The following RANBP2 variants were observed in gnomAD, a reference collection of about 807,000 sequenced individuals.
The protein encoded by RANBP2 is RAN binding protein 2.
Under a neutral mutation model 303.6 loss-of-function variants are expected in RANBP2, and 57 were observed. The ratio of observed to expected loss-of-function variants is 0.19; its 90% CI spans 0.15 to 0.23. RANBP2 has a LOEUF of 0.23. RANBP2 is among the 10% of genes least tolerant of loss of function. The probability of loss-of-function intolerance (pLI) is 1.00; values close to 1 mark genes in which losing one functional copy is unlikely to be tolerated. For synonymous variants in RANBP2, 1,167 were observed against 1,301.5 expected (o/e 0.90, Z 2.23); for missense variants, 3,138 against 3,780.8 (o/e 0.83, Z 4.46).
At chr2:109,033,955 C>CA in the RANBP2 span, among the ~76,000 whole-genome samples, 725 of 106,812 alleles carry the variant, frequency 6.8e-3, 4 homozygotes, top group African/African-American at 0.018. Context: ...ACCCTGACTC[C>CA]AAAAAAAAAA....
chr2:109,424,478 A>AT, the RANBP2 span, among the ~76,000 whole-genome samples: 88,894 of 152,026 alleles, frequency 0.58, 26,935 homozygotes, highest in African/African-American at 0.75. Flanking sequence ...CAGATACTGC[A>AT]TTTTTTTTAC....
the RANBP2 span, among the ~76,000 whole-genome samples, chr2:109,252,472 C>T: frequency 1.3e-5 from 2 of 152,108 alleles, no homozygotes; most frequent in Non-Finnish European, 2.9e-5. Flanking sequence ...TTAGCTTTAT[C>T]ATGGGTTGAT....
the RANBP2 span, among the ~76,000 whole-genome samples, chr2:109,524,702 G>A: frequency 5.3e-5 from 8 of 151,660 alleles, no homozygotes; most frequent in African/African-American, 7.3e-5. Flanking sequence ...CTGAGATCGC[G>A]CCACTGCACT....
chr2:109,304,749 G>T, the RANBP2 span, among the ~76,000 whole-genome samples: 1 of 152,194 alleles, frequency 6.6e-6, no homozygotes, highest in African/African-American at 2.4e-5. Flanking sequence ...CTAGGGAGAG[G>T]TGCAGCCTGT....
the RANBP2 span, among the ~76,000 whole-genome samples, chr2:109,586,248 G>A: frequency 6.6e-6 from 1 of 152,186 alleles, no homozygotes; most frequent in Non-Finnish European, 1.5e-5. Context: ...TTCAGCTCCT[G>A]GTAATGGCAG....
chr2:108,862,077 G>GTTTTT, the RANBP2 span, among the ~76,000 whole-genome samples: 1 of 141,376 alleles, frequency 7.1e-6, no homozygotes, highest in Non-Finnish European at 1.5e-5. Context: ...TATGATTTCA[G>GTTTTT]TTTTTTTTTT....
chr2:108,786,939 C>G, downstream of RANBP2: 9 of 1,469,674 alleles, frequency 6.1e-6, no homozygotes, highest in Non-Finnish European at 8.2e-6. Context: ...CTGAGGTCCG[C>G]GGGTGGGCTC....
the RANBP2 span, among the ~76,000 whole-genome samples, chr2:109,684,268 G>A: frequency 4.0e-3 from 6 of 1,514 alleles, no homozygotes; most frequent in Non-Finnish European, 7.4e-3. Flanking sequence ...TTGAGGCAGC[G>A]TCTCCCTCTG....
At chr2:108,746,383 G>GT (rs1187199508) in intron 7 of RANBP2, among the ~76,000 whole-genome samples, 3,682 of 146,920 alleles carry the variant, frequency 0.025, 127 homozygotes, top group African/African-American at 0.085. Flanking sequence ...CTGGCTCTTT[G>GT]TTTTTTTTTT....
At chr2:109,475,202 C>T in the RANBP2 span, among the ~76,000 whole-genome samples, 1 of 152,164 alleles carries the variant, frequency 6.6e-6, no homozygotes, top group African/African-American at 2.4e-5. Context: ...TGGTCTTGAT[C>T]TCTTGACCTC....
chr2:108,947,534 A>G, the RANBP2 span, among the ~76,000 whole-genome samples: 1 of 152,080 alleles, frequency 6.6e-6, no homozygotes, highest in Non-Finnish European at 1.5e-5. Context: ...ATTTTCATAC[A>G]TACTCTGAAA....
At chr2:109,005,926 G>C in the RANBP2 span, among the ~76,000 whole-genome samples, 1 of 152,176 alleles carries the variant, frequency 6.6e-6, no homozygotes, top group African/African-American at 2.4e-5. Flanking sequence ...CCAGGGCTTC[G>C]GAGTCGTGGA....
At chr2:108,958,420 CA>C in the RANBP2 span, among the ~76,000 whole-genome samples, 1 of 141,776 alleles carries the variant, frequency 7.1e-6, no homozygotes, top group Non-Finnish European at 1.5e-5. Context: ...AAAAAAAAAA[CA>C]AAAAACAAAA....
chr2:109,554,384 A>C, the RANBP2 span, among the ~76,000 whole-genome samples: 7 of 152,200 alleles, frequency 4.6e-5, no homozygotes, highest in Non-Finnish European at 8.8e-5. Context: ...ATGTTACAAT[A>C]ATATGTATTC....
chr2:108,744,939 G>C (rs1221785628), intron 7 of RANBP2, among the ~76,000 whole-genome samples: 1 of 152,082 alleles, frequency 6.6e-6, no homozygotes, highest in African/African-American at 2.4e-5. Context: ...GAAAACATTT[G>C]AACATTGCAT....
chr2:109,425,553 C>T, the RANBP2 span, among the ~76,000 whole-genome samples: 10 of 152,160 alleles, frequency 6.6e-5, no homozygotes, highest in Non-Finnish European at 1.3e-4. Flanking sequence ...TTTGCCATTC[C>T]GAGAACCCTA....
chr2:109,674,441 G>A, the RANBP2 span, among the ~76,000 whole-genome samples: 6 of 124,220 alleles, frequency 4.8e-5, no homozygotes, highest in Admixed American at 3.5e-4. Flanking sequence ...AAAATTAACC[G>A]AGCATGATGG....
Position 108,735,722 on chromosome 2 carries a change from C to A in RANBP2, c.596C>A (p.Ser199Ter). Residue 199 changes from serine to a stop codon, truncating the protein, a stop_gained, in exon 5 of 29, where the codon TCA (serine) becomes TAA (stop). Coordinates refer to ENST00000283195, the MANE Select transcript of RANBP2 (RefSeq NM_006267.5). LOFTEE classifies it high-confidence loss of function. ...HEAERNIALR[S>*]SLEWNSCVVQ... ...GCAGAGAGGAACATAGCTTTGCGTTCAAGTTTAGAATGGAATTCGTGTGTT... is the reference window on the plus strand; with the variant it reads ...GCAGAGAGGAACATAGCTTTGCGTTAAAGTTTAGAATGGAATTCGTGTGTT... The A allele has an allele frequency of 6.3e-7, 1 of 1,597,534 alleles. No individual in the cohort carries two copies. The highest frequency in any genetic ancestry group is 8.5e-7 in the Non-Finnish European group (1 of 1,179,782).
At chr2:108,792,271 A>G in the RANBP2 span, among the ~76,000 whole-genome samples, 94 of 152,132 alleles carry the variant, frequency 6.2e-4, no homozygotes, top group Non-Finnish European at 1.3e-3. Context: ...TGGTGCTGGT[A>G]TTATGGTCTA....
Sources: allele counts gnomAD v4.1 joint callset (sites outside exome capture counted in the v4.1 genomes callset), GRCh38; gene constraint gnomAD v4.1.1; transcripts MANE v1.5; gene names NCBI Gene and HGNC (gene_info 2026-07-23, HGNC 2026-07-21).